Variants in TRPM3 observed in about 807,000 individuals in gnomAD.
The protein encoded by TRPM3 is transient receptor potential cation channel subfamily M member 3, also known as long transient receptor potential channel 3.
A neutral mutation model predicts 181.2 loss-of-function variants in TRPM3; 77 were observed. The ratio of observed to expected loss-of-function variants is 0.42; its 90% confidence interval spans 0.35 to 0.51. The LOEUF is 0.51. TRPM3 is among the 20% of genes least tolerant of loss of function. TRPM3 has a pLI of 0.01. For missense variants in TRPM3, 1,759 were observed against 2,196.7 expected (o/e 0.80, Z 3.98); for synonymous variants, 745 against 796.4 (o/e 0.94, Z 1.09).
At chr9:70,924,883 T>A (rs918254090) in intron 1 of TRPM3, among the ~76,000 whole-genome samples, 2 of 152,144 alleles carry the variant, frequency 1.3e-5, no homozygotes. Flanking sequence ...AGAAGTAATT[T>A]CTACAAGGTT....
At chr9:70,809,800 A>C (rs757309453) in intron 6 of TRPM3, among the ~76,000 whole-genome samples, 5 of 152,174 alleles carry the variant, frequency 3.3e-5, no homozygotes, top group Non-Finnish European at 5.9e-5. Flanking sequence ...TTAGTCTTTG[A>C]GAGTATATTT....
chr9:70,662,632 A>C (rs1186323684), intron 9 of TRPM3, among the ~76,000 whole-genome samples: 1 of 152,216 alleles, frequency 6.6e-6, no homozygotes, highest in Non-Finnish European at 1.5e-5. Context: ...CAACAAACAC[A>C]TGAAAAACTG....
intron 14 of TRPM3, among the ~76,000 whole-genome samples, chr9:70,622,449 T>C (rs2063769645): frequency 6.6e-6 from 1 of 152,256 alleles, no homozygotes; most frequent in African/African-American, 2.4e-5. Flanking sequence ...GTTTAGATTC[T>C]TTATGCTGGC....
intron 1 of TRPM3, among the ~76,000 whole-genome samples, chr9:71,320,133 A>C (rs1158881038): frequency 6.6e-6 from 1 of 151,960 alleles, no homozygotes; most frequent in African/African-American, 2.4e-5. Context: ...TGTTCCCTAA[A>C]GTGTGAAAGG....
intron 19 of TRPM3, among the ~76,000 whole-genome samples, chr9:70,606,543 G>A (rs2061158797): frequency 6.6e-6 from 1 of 151,990 alleles, no homozygotes; most frequent in Non-Finnish European, 1.5e-5. Flanking sequence ...CAGAGGACTG[G>A]CTGCTGTCCT....
intron 9 of TRPM3, among the ~76,000 whole-genome samples, chr9:70,662,993 C>T (rs1201752145): frequency 6.6e-6 from 1 of 152,006 alleles, no homozygotes; most frequent in African/African-American, 2.4e-5. Flanking sequence ...GCAACATAAG[C>T]GCCCATCAAT....
At chr9:70,931,591 CT>C (rs35707241) in intron 1 of TRPM3, among the ~76,000 whole-genome samples, 83 of 146,770 alleles carry the variant, frequency 5.7e-4, no homozygotes, top group South Asian at 1.3e-3. Flanking sequence ...CCATTTGACT[CT>C]TTTTTTTTTG....
intron 1 of TRPM3, among the ~76,000 whole-genome samples, chr9:70,996,221 T>A (rs2097540322): frequency 1.3e-5 from 2 of 152,180 alleles, no homozygotes; most frequent in Non-Finnish European, 2.9e-5. Context: ...TTCTGCAGAT[T>A]ATATAAAGGG....
At chr9:70,581,260 A>G (rs1038255893) in intron 22 of TRPM3, among the ~76,000 whole-genome samples, 1 of 152,234 alleles carries the variant, frequency 6.6e-6, no homozygotes, top group Non-Finnish European at 1.5e-5. Flanking sequence ...AACATCCTGC[A>G]TTTGACCTGA....
At chr9:70,890,953 C>A (rs965156737) in intron 1 of TRPM3, among the ~76,000 whole-genome samples, 1 of 151,510 alleles carries the variant, frequency 6.6e-6, no homozygotes, top group Non-Finnish European at 1.5e-5. Context: ...AACACAAACA[C>A]AACTAACCTA....
chr9:70,878,746 C>T (rs1046207200), intron 1 of TRPM3, among the ~76,000 whole-genome samples: 8 of 152,052 alleles, frequency 5.3e-5, no homozygotes, highest in African/African-American at 1.9e-4. Context: ...TTATGAACCA[C>T]AAGGCACTAA....
At chr9:71,054,075 T>C (rs1204353544) in intron 1 of TRPM3, among the ~76,000 whole-genome samples, 1 of 152,134 alleles carries the variant, frequency 6.6e-6, no homozygotes, top group Non-Finnish European at 1.5e-5. Context: ...ACCATTGATA[T>C]ATGTATGCCT....
intron 1 of TRPM3, among the ~76,000 whole-genome samples, chr9:71,277,390 C>T (rs7044209): frequency 0.53 from 81,085 of 152,002 alleles, 21,818 homozygotes; most frequent in African/African-American, 0.62. Flanking sequence ...CTGTGTTTTT[C>T]CCTATGTAGG....
chr9:70,778,641 T>G (rs1176327933), intron 7 of TRPM3, among the ~76,000 whole-genome samples: 3 of 152,176 alleles, frequency 2.0e-5, no homozygotes, highest in Non-Finnish European at 4.4e-5. Flanking sequence ...TTACAAAAAC[T>G]ATAATGGATA....
At chr9:71,238,660 T>C (rs2081497276) in intron 1 of TRPM3, among the ~76,000 whole-genome samples, 1 of 152,228 alleles carries the variant, frequency 6.6e-6, no homozygotes, top group African/African-American at 2.4e-5. Context: ...TAACAAGGTC[T>C]TATCATTGTA....
At chr9:70,549,464 AC>A in intron 25 of TRPM3, 77 bp downstream of exon 25, 1 of 1,494,184 alleles carries the variant, frequency 6.7e-7, no homozygotes. Flanking sequence ...CTGTTTTGTG[AC>A]CGTGTGAATA....
At chr9:70,687,050 C>A (rs1333765509) in intron 8 of TRPM3, among the ~76,000 whole-genome samples, 1 of 151,934 alleles carries the variant, frequency 6.6e-6, no homozygotes, top group African/African-American at 2.4e-5. Context: ...CCGTCTTGGC[C>A]TCCCAACGTG....
At chr9:70,557,072 T>C (rs1210716210) in intron 22 of TRPM3, among the ~76,000 whole-genome samples, 1 of 152,238 alleles carries the variant, frequency 6.6e-6, no homozygotes, top group East Asian at 1.9e-4. Context: ...TATAATATGC[T>C]GAATACAGGG....
intron 3 of TRPM3, among the ~76,000 whole-genome samples, chr9:70,854,026 G>A (rs762787915): frequency 3.9e-5 from 6 of 152,174 alleles, no homozygotes; most frequent in Non-Finnish European, 8.8e-5. Context: ...TAATACAGCA[G>A]TTAACTCATG....
Sources: gnomAD v4.1 joint callset for allele counts (sites outside exome capture counted in the v4.1 genomes callset) on GRCh38, gnomAD v4.1.1 for gene constraint, MANE v1.5 for transcripts, NCBI Gene and HGNC (gene_info 2026-07-23, HGNC 2026-07-21) for gene names.